DLG2: variants seen among roughly 807,000 people sequenced by gnomAD.
DLG2 encodes disks large homolog 2.
In DLG2, 45 loss-of-function variants were observed where a neutral mutation model predicts 132.5. The ratio of observed to expected loss-of-function variants is 0.34; its 90% CI spans 0.27 to 0.44. The LOEUF is 0.44. Ranked by LOEUF, DLG2 falls within the 20% of genes least tolerant of loss-of-function variation. The pLI, the probability that DLG2 is intolerant of heterozygous loss-of-function variation, is 1.00. For synonymous variants in DLG2, 424 were observed against 419.6 expected (o/e 1.01, Z -0.13); for missense variants, 1,045 against 1,196.9 (o/e 0.87, Z 1.87).
At chr11:84,930,503 A>T (rs2047958910) in intron 6 of DLG2, among the ~76,000 whole-genome samples, 1 of 152,122 alleles carries the variant, frequency 6.6e-6, no homozygotes, top group Non-Finnish European at 1.5e-5. Context: ...TCCTCTTTTG[A>T]AAGGCGATTG....
Position 84,207,249 on chromosome 11 carries a change from C to A in DLG2, c.574-43738G>T, listed in dbSNP as rs911675580. ...GTTTACTTGAAAAGTCAATGAAATG[C>A]CAATGAATATCATAGCAGGCTTTCT... On this transcript the variant is annotated intron_variant, in intron 8 of 27. Coordinates refer to ENST00000376104, the MANE Select transcript of DLG2 (RefSeq NM_001142699.3). Among the ~76,000 whole-genome samples, 3 of 151,856 alleles carry A rather than the reference C, an allele frequency of 2.0e-5. No individual in the cohort carries two copies. The South Asian group carries it at 6.2e-4, about 32-fold the overall frequency.
At chr11:83,915,922 A>G (rs1565623872) in intron 15 of DLG2, among the ~76,000 whole-genome samples, 1 of 152,136 alleles carries the variant, frequency 6.6e-6, no homozygotes, top group Non-Finnish European at 1.5e-5. Context: ...CCAGGAAATC[A>G]CTAATCTATT....
intron 6 of DLG2, among the ~76,000 whole-genome samples, chr11:84,839,613 C>A (rs1236268934): frequency 6.6e-6 from 1 of 152,108 alleles, no homozygotes; most frequent in Admixed American, 6.6e-5. Context: ...GCTACAGTAA[C>A]CAACATAGCA....
chr11:84,092,408 C>T (rs2097106193), intron 10 of DLG2, among the ~76,000 whole-genome samples: 1 of 152,176 alleles, frequency 6.6e-6, no homozygotes, highest in South Asian at 2.1e-4. Context: ...ATATATGTTC[C>T]TATCTCCAAT....
intron 6 of DLG2, among the ~76,000 whole-genome samples, chr11:84,842,526 AAT>A (rs2080826189): frequency 6.6e-6 from 1 of 152,026 alleles, no homozygotes; most frequent in Admixed American, 6.6e-5. Context: ...AGAAAAAATC[AAT>A]AGTTCATCCT....
In DLG2 at chr11:83,980,572, A is replaced by G. The variant is rs749096276; in HGVS notation, c.990T>C (p.Thr330=). The part of the protein sequence containing the change: ...HIPGDNSIYV[T]KIIDGGAAQK... ...GTGCAGCTCCTCCATCTATAATTTT[A>G]GTTACATAAATGCTGTTGTCTCCAG... Residue 330 remains threonine (T), a synonymous_variant, in exon 12 of 28, where the codon ACT becomes ACC. Transcript: ENST00000376104. 2.5e-6 allele frequency: 4 copies of G among 1,613,808 alleles called. No individual in the cohort carries two copies. Among genetic ancestry groups the G allele is most frequent in the South Asian group, 2.2e-5 (2 of 91,046 alleles).
At chr11:85,436,040 T>TA (rs879933037) in intron 3 of DLG2, among the ~76,000 whole-genome samples, 31 of 151,368 alleles carry the variant, frequency 2.0e-4, no homozygotes, top group South Asian at 1.5e-3. Context: ...TCAACAAACC[T>TA]AAAAAAAACA....
At chr11:85,558,188 C>A (rs974667283) in intron 3 of DLG2, among the ~76,000 whole-genome samples, 2 of 151,886 alleles carry the variant, frequency 1.3e-5, no homozygotes, top group Admixed American at 6.6e-5. Context: ...AAGTGGCCAA[C>A]AAACATATGA....
At chr11:85,423,307 T>A (rs1167528434) in intron 3 of DLG2, among the ~76,000 whole-genome samples, 1 of 152,232 alleles carries the variant, frequency 6.6e-6, no homozygotes, top group East Asian at 1.9e-4. Flanking sequence ...CAGCTGTGGA[T>A]ACCAGCACCT....
intron 3 of DLG2, among the ~76,000 whole-genome samples, chr11:85,585,077 A>G (rs1231053424): frequency 2.0e-5 from 3 of 152,204 alleles, no homozygotes; most frequent in Non-Finnish European, 1.5e-5. Flanking sequence ...GTCTTTGCCT[A>G]AGCCAATGTC....
At chr11:84,958,894 C>A (rs1158583659) in intron 6 of DLG2, among the ~76,000 whole-genome samples, 1 of 152,208 alleles carries the variant, frequency 6.6e-6, no homozygotes, top group Non-Finnish European at 1.5e-5. Flanking sequence ...AAGCTTCAAG[C>A]ACTGGTCTCC....
intron 4 of DLG2, among the ~76,000 whole-genome samples, chr11:85,230,048 C>T (rs2075211947): frequency 6.6e-6 from 1 of 152,008 alleles, no homozygotes; most frequent in African/African-American, 2.4e-5. Context: ...TTGATGCTTG[C>T]AGCAAACCAC....
chr11:83,494,419 T>C (rs2094036100), intron 21 of DLG2, among the ~76,000 whole-genome samples: 1 of 151,200 alleles, frequency 6.6e-6, no homozygotes, highest in Admixed American at 6.6e-5. Flanking sequence ...AGCTCTATTC[T>C]CAAATTACTC....
intron 3 of DLG2, among the ~76,000 whole-genome samples, chr11:85,439,464 A>T (rs2091664897): frequency 1.3e-5 from 2 of 148,892 alleles, no homozygotes; most frequent in African/African-American, 5.0e-5. Flanking sequence ...GGTTCACGCC[A>T]TTCTCCTGAC....
At chr11:83,771,266 G>T (rs774844979) in intron 18 of DLG2, among the ~76,000 whole-genome samples, 4 of 152,110 alleles carry the variant, frequency 2.6e-5, no homozygotes, top group Admixed American at 6.6e-5. Flanking sequence ...ACAACAGTGG[G>T]GAATTGTCTC....
At chr11:85,517,226 T>A (rs565428931) in intron 3 of DLG2, among the ~76,000 whole-genome samples, 4 of 151,634 alleles carry the variant, frequency 2.6e-5, no homozygotes, top group Non-Finnish European at 4.4e-5. Flanking sequence ...AAATTCAACA[T>A]CCTATCATGA....
At chr11:84,439,334 T>C (rs2099010514) in intron 7 of DLG2, among the ~76,000 whole-genome samples, 1 of 152,202 alleles carries the variant, frequency 6.6e-6, no homozygotes, top group Non-Finnish European at 1.5e-5. Context: ...CAAATGATAT[T>C]GAACAGAAAT....
intron 7 of DLG2, among the ~76,000 whole-genome samples, chr11:84,413,839 C>T (rs1219804327): frequency 1.3e-5 from 2 of 151,850 alleles, no homozygotes; most frequent in African/African-American, 4.8e-5. Context: ...ATTTTTTTTT[C>T]TTCAGTATAA....
At chr11:83,933,658 T>A (rs1332449108) in intron 14 of DLG2, among the ~76,000 whole-genome samples, 1 of 152,212 alleles carries the variant, frequency 6.6e-6, no homozygotes, top group African/African-American at 2.4e-5. Context: ...AGGTGCTTCA[T>A]CTATACCTTA....
Sources: allele counts gnomAD v4.1 joint callset (sites outside exome capture counted in the v4.1 genomes callset), GRCh38; gene constraint gnomAD v4.1.1; transcripts MANE v1.5; gene names NCBI Gene and HGNC (gene_info 2026-07-23, HGNC 2026-07-21).